Variants in SLC12A7 observed in about 807,000 individuals in gnomAD.
SLC12A7 encodes the protein K-Cl cotransporter 4.
Under a neutral mutation model 120.6 loss-of-function variants are expected in SLC12A7, and 100 were observed. The ratio of observed to expected loss-of-function variants is 0.83; its 90% CI spans 0.71 to 0.98. The LOEUF is 0.98. SLC12A7 is among the 50% of genes least tolerant of loss of function. The pLI, the probability that SLC12A7 is intolerant of heterozygous loss-of-function variation, is 0.00. For synonymous variants in SLC12A7, 760 were observed against 678.0 expected, an observed-to-expected ratio of 1.12 and a Z score of -1.88; for missense variants, 1,373 against 1,548.1, an observed-to-expected ratio of 0.89 and a Z score of 1.90.
chr5:1,094,276 A>C (rs545060280), intron 1 of SLC12A7, 28 bp from the exon 2 acceptor site: 1 of 1,551,034 alleles, frequency 6.4e-7, no homozygotes, highest in South Asian at 1.1e-5. Context: ...ATTCAGAGTC[A>C]GCTTAGAAGG....
chr5:1,062,230 C>T (rs10056989), intron 20 of SLC12A7, among the ~76,000 whole-genome samples: 61,610 of 152,148 alleles, frequency 0.4, 14,004 homozygotes, highest in East Asian at 0.61. Context: ...CCCCAGTGGC[C>T]GCCCCACCTG....
At chr5:1,078,368 G>C (rs182865229) in intron 11 of SLC12A7, among the ~76,000 whole-genome samples, 1 of 152,028 alleles carries the variant, frequency 6.6e-6, no homozygotes, top group African/African-American at 2.4e-5. Flanking sequence ...TGACCTGCCT[G>C]GGACCCCACT....
At chr5:1,061,980 G>A (rs960934941) in intron 20 of SLC12A7, among the ~76,000 whole-genome samples, 31 of 152,146 alleles carry the variant, frequency 2.0e-4, no homozygotes, top group Non-Finnish European at 3.5e-4. Context: ...GAATGGCAGC[G>A]ACCCAGACGC....
chr5:1,120,545 A>G, the SLC12A7 span, among the ~76,000 whole-genome samples: 1 of 152,238 alleles, frequency 6.6e-6, no homozygotes, highest in Non-Finnish European at 1.5e-5. Flanking sequence ...ATGCACGGCC[A>G]CTGTGGAAAA....
At chr5:1,100,617 C>A (rs541712474) in intron 1 of SLC12A7, among the ~76,000 whole-genome samples, 2 of 152,346 alleles carry the variant, frequency 1.3e-5, no homozygotes, top group Admixed American at 1.3e-4. Context: ...GGAGACCGCG[C>A]CAAGTGCTGT....
intron 17 of SLC12A7, among the ~76,000 whole-genome samples, chr5:1,068,781 G>A (rs191919315): frequency 7.2e-5 from 11 of 152,384 alleles, no homozygotes; most frequent in African/African-American, 7.2e-5. Context: ...ATAAGTGAGC[G>A]CAGCTCTTCC....
the SLC12A7 span, among the ~76,000 whole-genome samples, chr5:1,129,562 G>A: frequency 1.3e-5 from 2 of 152,176 alleles, no homozygotes; most frequent in Admixed American, 6.5e-5. Context: ...CCAGGCGACA[G>A]GGTGGAGGGC....
At chr5:1,117,448 G>A in the SLC12A7 span, among the ~76,000 whole-genome samples, 602 of 152,056 alleles carry the variant, frequency 4.0e-3, 1 homozygote, top group Non-Finnish European at 6.7e-3. This position sits in a 1 kb window ranked among gnomAD's most constrained non-coding sequence, Gnocchi z 4.5. Context: ...CTTCTTGCCT[G>A]AGGGCTAGAC....
chr5:1,081,550 AGGG>A, intron 9 of SLC12A7, 24 bp downstream of exon 9: 1 of 1,586,498 alleles, frequency 6.3e-7, no homozygotes, highest in Non-Finnish European at 8.6e-7. Flanking sequence ...AAGAAAGAGA[AGGG>A]GAAGCCTGGA....
At chr5:1,154,863 G>A in the SLC12A7 span, among the ~76,000 whole-genome samples, 1 of 152,196 alleles carries the variant, frequency 6.6e-6, no homozygotes. Flanking sequence ...CATGCCAGGC[G>A]GGAACAGCAG....
chr5:1,082,276 T>A (rs1739247360), intron 8 of SLC12A7, among the ~76,000 whole-genome samples: 1 of 143,098 alleles, frequency 7.0e-6, no homozygotes. Flanking sequence ...AAGTCCGGGC[T>A]TCCCCGTCTC....
chr5:1,095,621 G>T (rs1418912989), intron 1 of SLC12A7, among the ~76,000 whole-genome samples: 1 of 152,242 alleles, frequency 6.6e-6, no homozygotes, highest in African/African-American at 2.4e-5. Flanking sequence ...AAGGCAGGAT[G>T]CGAGGTGGCC....
chr5:1,140,484 C>T, the SLC12A7 span, among the ~76,000 whole-genome samples: 1 of 112,262 alleles, frequency 8.9e-6, no homozygotes, highest in South Asian at 2.8e-4. Flanking sequence ...TGAGTGGGTG[C>T]CCCCTGCTGG....
At chr5:1,099,520 G>A (rs1184469931) in intron 1 of SLC12A7, among the ~76,000 whole-genome samples, 3 of 150,310 alleles carry the variant, frequency 2.0e-5, no homozygotes, top group South Asian at 4.3e-4. Context: ...CATCCTCAGC[G>A]GGTCAGAGGA....
chr5:1,088,282 C>T, intron 5 of SLC12A7, 24 bp downstream of exon 5: 2 of 1,573,792 alleles, frequency 1.3e-6, no homozygotes, highest in Non-Finnish European at 1.7e-6. Context: ...GGACTCAGGG[C>T]CGCGGCTGGC....
At chr5:1,078,545 A>G (rs1738626960) in intron 11 of SLC12A7, 156 bp downstream of exon 11, 2 of 676,092 alleles carry the variant, frequency 3.0e-6, no homozygotes, top group African/African-American at 3.6e-5. Context: ...GAGACGACAC[A>G]TCAGACCAAG....
intron 14 of SLC12A7, chr5:1,075,858 T>C: frequency 2.0e-6 from 1 of 510,950 alleles, no homozygotes; most frequent in Non-Finnish European, 3.4e-6. Context: ...AAGGCTGGGC[T>C]GACCACGGGA....
At chr5:1,127,311 C>A in the SLC12A7 span, among the ~76,000 whole-genome samples, 475 of 152,368 alleles carry the variant, frequency 3.1e-3, 2 homozygotes, top group African/African-American at 0.011. Context: ...CCACGCCTGG[C>A]CGACTGATGT....
chr5:1,089,151 C>G, intron 3 of SLC12A7, 23 bp from the exon 4 acceptor site: 1 of 1,609,568 alleles, frequency 6.2e-7, no homozygotes, highest in Non-Finnish European at 8.5e-7. Context: ...ATAGCGTGTC[C>G]CAGGGGCTCG....
Sources: gnomAD v4.1 joint callset for allele counts (sites outside exome capture counted in the v4.1 genomes callset) on GRCh38, gnomAD v4.1.1 for gene constraint, Gnocchi (gnomAD v3.1) non-coding constraint, MANE v1.5 for transcripts, NCBI Gene and HGNC (gene_info 2026-07-23, HGNC 2026-07-21) for gene names.